The following PDS5A variants were observed in gnomAD, a reference collection of about 807,000 sequenced individuals.
PDS5A encodes PDS5 cohesin associated factor A, also known as sister chromatid cohesion protein PDS5 homolog A.
A neutral mutation model predicts 167.1 loss-of-function variants in PDS5A; 42 were observed. The observed-to-expected ratio is 0.25, with a 90% CI of 0.20 to 0.33. The LOEUF is 0.33. PDS5A is among the 10% of genes least tolerant of loss of function. PDS5A has a pLI of 1.00. For missense variants in PDS5A, 1,033 were observed against 1,605.9 expected (o/e 0.64, Z 6.10); for synonymous variants, 553 against 554.6 (o/e 1.00, Z 0.04).
intron 16 of PDS5A, among the ~76,000 whole-genome samples, chr4:39,895,472 G>C (rs892539899): frequency 1.3e-5 from 2 of 152,018 alleles, no homozygotes; most frequent in Non-Finnish European, 2.9e-5. Flanking sequence ...ATAAAAAACA[G>C]TACACCTACA....
At chr4:39,894,753 T>G (rs978201135) in intron 16 of PDS5A, among the ~76,000 whole-genome samples, 2 of 152,232 alleles carry the variant, frequency 1.3e-5, no homozygotes, top group Middle Eastern at 3.2e-3. Context: ...TTCTCTTATT[T>G]GTCTCTATAA....
chr4:39,885,328 T>C (rs1316324130), intron 17 of PDS5A, among the ~76,000 whole-genome samples: 1 of 144,762 alleles, frequency 6.9e-6, no homozygotes, highest in African/African-American at 2.6e-5. Context: ...AACTTCGGCA[T>C]GGTGGCTCAT....
chr4:39,974,419 G>A (rs1039688888), intron 2 of PDS5A: 4 of 327,404 alleles, frequency 1.2e-5, no homozygotes, highest in Non-Finnish European at 2.4e-5. Flanking sequence ...AAATATTAAC[G>A]ATCCATCAAT....
At chr4:39,928,227 G>T in intron 2 of PDS5A, 63 bp from the exon 3 acceptor site, 2 of 1,105,166 alleles carry the variant, frequency 1.8e-6, no homozygotes, top group Non-Finnish European at 2.6e-6. Context: ...AGTGGAGGAT[G>T]TGATTTAAAA....
At chr4:39,850,137 T>C (rs1450437533) in intron 26 of PDS5A, among the ~76,000 whole-genome samples, 1 of 151,962 alleles carries the variant, frequency 6.6e-6, no homozygotes, top group African/African-American at 2.4e-5. Context: ...TGGGTGTTGG[T>C]GGCAGGCACC....
chr4:39,857,220 C>T (rs1372640331), intron 26 of PDS5A, among the ~76,000 whole-genome samples: 1 of 151,954 alleles, frequency 6.6e-6, no homozygotes, highest in Non-Finnish European at 1.5e-5. Flanking sequence ...GGCATGGTGG[C>T]AGGTGCCTGT....
At chr4:39,945,182 C>T (rs1451067947) in intron 2 of PDS5A, among the ~76,000 whole-genome samples, 8 of 151,814 alleles carry the variant, frequency 5.3e-5, no homozygotes, top group Admixed American at 2.6e-4. Flanking sequence ...TGCAGGCGGC[C>T]GGGTGCAGTG....
intron 2 of PDS5A, among the ~76,000 whole-genome samples, chr4:39,941,170 T>C (rs888484191): frequency 6.6e-6 from 1 of 152,202 alleles, no homozygotes; most frequent in Non-Finnish European, 1.5e-5. Flanking sequence ...TTTCCTGCAC[T>C]AGACTTTTAA....
intron 27 of PDS5A, among the ~76,000 whole-genome samples, 198 bp downstream of exon 27, chr4:39,849,322 T>A (rs1717910732): frequency 1.3e-5 from 2 of 152,124 alleles, no homozygotes; most frequent in African/African-American, 4.8e-5. Context: ...GGTTATAATG[T>A]CTTTTCAGAG....
At chr4:39,881,866 C>A (rs1720960099) in intron 17 of PDS5A, among the ~76,000 whole-genome samples, 1 of 152,206 alleles carries the variant, frequency 6.6e-6, no homozygotes, top group South Asian at 2.1e-4. Flanking sequence ...AGGGCGGGGC[C>A]AGGTAGATAA....
intron 15 of PDS5A, 56 bp downstream of exon 15, chr4:39,898,721 T>C: frequency 1.8e-6 from 2 of 1,115,892 alleles, no homozygotes; most frequent in East Asian, 2.5e-5. Flanking sequence ...ACTGGGTAAA[T>C]ACTTTGTCTG....
At position 39,900,430 on chromosome 4, in the gene PDS5A, G is replaced by C. The variant is rs1269635104; in HGVS notation, c.1577C>G (p.Pro526Arg). 1.3e-6 allele frequency: 2 copies of C among 1,567,484 alleles called. No homozygotes were observed. Among genetic ancestry groups the C allele is most frequent in the South Asian group, 2.3e-5 (2 of 85,796 alleles). The change falls in exon 14 of 33, where the codon CCT becomes CGT. Residue 526 changes from proline (P) to arginine (R), a missense_variant. Transcript: ENST00000303538. ...VRELLDLHKQPTSEANCSAMF... is the reference protein window; with the variant it reads ...VRELLDLHKQRTSEANCSAMF... ...TTAAACAAATCATGAACCTACTGTA[G>C]GCTGCTTGTGCAAATCCAATAGTTC...
At position 39,861,227 on chromosome 4, in the gene PDS5A, G is replaced by C. The variant is rs558994467; in HGVS notation, c.3086+992C>G. Among the ~76,000 whole-genome samples the C allele has an allele frequency of 9.9e-5, 15 of 152,098 alleles. 2 individuals are homozygous for C. In the South Asian group the frequency reaches 2.3e-3, roughly 23 times the overall value. On this transcript the variant is annotated intron_variant, in intron 26 of 32. Coordinates refer to ENST00000303538, the MANE Select transcript of PDS5A (RefSeq NM_001100399.2). ...TGTAATCCCAGCACTTGGGGAGGCT[G>C]AGGCAGGGGGATCACAAGGTCAGGA...
chr4:39,872,897 G>T, intron 21 of PDS5A, 89 bp downstream of exon 21: 1 of 633,318 alleles, frequency 1.6e-6, no homozygotes, highest in Non-Finnish European at 2.4e-6. Context: ...AAGAAAAAGA[G>T]AATTACACAG....
intron 11 of PDS5A, among the ~76,000 whole-genome samples, chr4:39,905,593 T>A (rs765976204): frequency 6.6e-6 from 1 of 151,864 alleles, no homozygotes. Flanking sequence ...TGACCAACTA[T>A]TCAAGGATCA....
intron 2 of PDS5A, among the ~76,000 whole-genome samples, chr4:39,963,014 C>T (rs901692464): frequency 6.6e-6 from 1 of 151,168 alleles, no homozygotes; most frequent in Admixed American, 6.6e-5. Context: ...TATATGTTTA[C>T]CACAATTAAA....
intron 16 of PDS5A, among the ~76,000 whole-genome samples, chr4:39,891,589 G>A (rs946309933): frequency 1.8e-4 from 27 of 151,886 alleles, no homozygotes; most frequent in Admixed American, 7.2e-4. Flanking sequence ...CGGAGGCTGC[G>A]GTGAGCTGAG....
intron 2 of PDS5A, among the ~76,000 whole-genome samples, chr4:39,941,321 G>A (rs1727205517): frequency 6.6e-6 from 1 of 152,064 alleles, no homozygotes; most frequent in African/African-American, 2.4e-5. Flanking sequence ...ACCAATCTTT[G>A]AGCAACAAAA....
chr4:39,896,583 A>G (rs550031105), intron 16 of PDS5A, among the ~76,000 whole-genome samples: 12 of 152,026 alleles, frequency 7.9e-5, no homozygotes, highest in Admixed American at 1.3e-4. Flanking sequence ...CTTGGACAAC[A>G]TGGAGAAACC....
Sources: gnomAD v4.1 joint callset for allele counts (sites outside exome capture counted in the v4.1 genomes callset) on GRCh38, gnomAD v4.1.1 for gene constraint, MANE v1.5 for transcripts, NCBI Gene and HGNC (gene_info 2026-07-23, HGNC 2026-07-21) for gene names.